KCNH7: variants seen among roughly 807,000 people sequenced by gnomAD.
KCNH7 encodes the protein potassium voltage-gated channel subfamily H member 7.
KCNH7 carries 49 observed loss-of-function variants against 120.8 expected under a neutral mutation model. The observed-to-expected ratio is 0.41, with a 90% confidence interval of 0.32 to 0.51. The LOEUF (loss-of-function observed/expected upper bound fraction) is 0.51, where lower values mean the gene tolerates loss of function less well. KCNH7 is among the 20% of genes least tolerant of loss of function. The pLI, the probability that KCNH7 is intolerant of heterozygous loss-of-function variation, is 0.38. For missense variants in KCNH7, 1,097 were observed against 1,446.6 expected (o/e 0.76, Z 3.92); for synonymous variants, 547 against 516.1 (o/e 1.06, Z -0.81).
intron 6 of KCNH7, among the ~76,000 whole-genome samples, chr2:162,477,443 G>GA (rs1327601757): frequency 6.6e-6 from 1 of 152,004 alleles, no homozygotes; most frequent in African/African-American, 2.4e-5. Flanking sequence ...GCCTGCTTGA[G>GA]AAAAAAAGTC....
chr2:162,750,793 A>C (rs1206516440), intron 2 of KCNH7, among the ~76,000 whole-genome samples: 1 of 152,152 alleles, frequency 6.6e-6, no homozygotes, highest in African/African-American at 2.4e-5. Context: ...TTTTTGTTCA[A>C]ATTCTCACAC....
chr2:162,444,823 G>A (rs1287329339), intron 7 of KCNH7, among the ~76,000 whole-genome samples: 1 of 151,934 alleles, frequency 6.6e-6, no homozygotes, highest in Admixed American at 6.6e-5. Flanking sequence ...CCAAAGTTAG[G>A]AGTAGCTAAT....
intron 6 of KCNH7, among the ~76,000 whole-genome samples, chr2:162,462,570 G>C (rs1433456970): frequency 6.6e-6 from 1 of 151,840 alleles, no homozygotes; most frequent in African/African-American, 2.4e-5. Context: ...AGTCAAAAGA[G>C]TAAGATTAGG....
At chr2:162,505,368 C>T (rs144049425) in intron 5 of KCNH7, among the ~76,000 whole-genome samples, 2,126 of 150,974 alleles carry the variant, frequency 0.014, 30 homozygotes, top group Non-Finnish European at 0.021. Flanking sequence ...AAAAAAAAGG[C>T]GCTATTAAAA....
In KCNH7 at chr2:162,745,626, A is replaced by G. The variant is rs115699187; in HGVS notation, c.307+90911T>C. 1.0e-3 allele frequency among the ~76,000 whole-genome samples: 158 copies of G among 152,284 alleles called. 1 individual carries two copies. Among genetic ancestry groups the G allele is most frequent in the African/African-American group, 3.6e-3 (149 of 41,574 alleles). ...AAAATCAATAGTCACCACAGAAGAC[A>G]TTTTCCAGTAGGACAAACTTGATAC... On this transcript the variant is annotated intron_variant, in intron 2 of 15. Coordinates refer to ENST00000332142, the MANE Select transcript of KCNH7 (RefSeq NM_033272.4).
At chr2:162,451,877 G>A (rs1389022292) in intron 6 of KCNH7, among the ~76,000 whole-genome samples, 1 of 152,002 alleles carries the variant, frequency 6.6e-6, no homozygotes, top group Non-Finnish European at 1.5e-5. Flanking sequence ...ATTGGGAAAA[G>A]TAGAAGCAGG....
intron 2 of KCNH7, among the ~76,000 whole-genome samples, chr2:162,625,728 G>A (rs148870340): frequency 1.2e-4 from 18 of 152,246 alleles, no homozygotes; most frequent in Non-Finnish European, 1.8e-4. Flanking sequence ...GAGCCGCAGC[G>A]TTGGGGATTA....
chr2:162,733,632 T>C (rs973762868), intron 2 of KCNH7, among the ~76,000 whole-genome samples: 6 of 152,234 alleles, frequency 3.9e-5, no homozygotes, highest in Non-Finnish European at 5.9e-5. Context: ...TCTGAGACTT[T>C]GGTATCATTT....
chr2:162,607,508 G>A (rs1682822470), intron 2 of KCNH7, among the ~76,000 whole-genome samples: 1 of 151,996 alleles, frequency 6.6e-6, no homozygotes, highest in African/African-American at 2.4e-5. Context: ...GGACATTCAT[G>A]TTATAATTAG....
At chr2:162,402,268 A>G (rs1048633662) in intron 9 of KCNH7, among the ~76,000 whole-genome samples, 2 of 150,602 alleles carry the variant, frequency 1.3e-5, no homozygotes, top group Non-Finnish European at 3.0e-5. Context: ...ACATGGAAGC[A>G]ATTATCTGGG....
chr2:162,692,271 A>C (rs1029910083), intron 2 of KCNH7, among the ~76,000 whole-genome samples: 1 of 152,074 alleles, frequency 6.6e-6, no homozygotes, highest in Middle Eastern at 3.4e-3. Flanking sequence ...GACAATAGGC[A>C]CACGCCACCA....
chr2:162,664,220 C>A (rs1303955585), intron 2 of KCNH7, among the ~76,000 whole-genome samples: 3 of 152,084 alleles, frequency 2.0e-5, no homozygotes, highest in African/African-American at 2.4e-5. Flanking sequence ...ACCCTTTCTC[C>A]AGAGAAGTGC....
Position 162,435,602 on chromosome 2 carries a change from A to G in KCNH7, c.1555-5T>C. On this transcript the variant is annotated splice_polypyrimidine_tract_variant and splice_region_variant and intron_variant, in intron 7 of 15. Coordinates refer to ENST00000332142, the MANE Select transcript of KCNH7 (RefSeq NM_033272.4). ...AAGACCAATTAATGTTGTTGTCTGT[A>G]GAAATAAATGTACACAGTCAGAAAC... 1.3e-6 allele frequency: 2 copies of G among 1,574,624 alleles called. No individual in the cohort carries two copies. Among genetic ancestry groups the G allele is most frequent in the East Asian group, 2.3e-5 (1 of 44,396 alleles).
intron 2 of KCNH7, among the ~76,000 whole-genome samples, chr2:162,752,931 AAGAAAAGAAAAG>A (rs1559116201): frequency 2.0e-4 from 17 of 86,330 alleles, no homozygotes; most frequent in Admixed American, 2.3e-4. Context: ...AAGAAAAGAA[AAGAAAAGAAAAG>A]AAAAGAAAAG....
intron 2 of KCNH7, among the ~76,000 whole-genome samples, chr2:162,673,751 G>T (rs908529660): frequency 6.6e-6 from 1 of 151,908 alleles, no homozygotes; most frequent in African/African-American, 2.4e-5. Flanking sequence ...CCAAGACATT[G>T]GATTTTTGGT....
chr2:162,519,090 G>T (rs1359232103), intron 3 of KCNH7, among the ~76,000 whole-genome samples: 1 of 151,730 alleles, frequency 6.6e-6, no homozygotes, highest in Non-Finnish European at 1.5e-5. Context: ...TCTAGTGCTG[G>T]CAAAGAATGC....
At chr2:162,453,335 T>A (rs754653655) in intron 6 of KCNH7, among the ~76,000 whole-genome samples, 1 of 152,210 alleles carries the variant, frequency 6.6e-6, no homozygotes, top group Non-Finnish European at 1.5e-5. Context: ...GGTGTACATG[T>A]GCTACATTGT....
At chr2:162,372,173 T>TA in intron 15 of KCNH7, 78 bp from the exon 16 acceptor site, 1 of 1,188,432 alleles carries the variant, frequency 8.4e-7, no homozygotes, top group Admixed American at 2.4e-5. Context: ...AATAAAAACT[T>TA]AAGCATTTTC....
intron 2 of KCNH7, among the ~76,000 whole-genome samples, chr2:162,745,049 A>G (rs1688269739): frequency 6.6e-6 from 1 of 152,192 alleles, no homozygotes; most frequent in Non-Finnish European, 1.5e-5. Flanking sequence ...CTACCTACTG[A>G]TATTCAGGCA....
Sources: allele counts gnomAD v4.1 joint callset (sites outside exome capture counted in the v4.1 genomes callset), GRCh38; gene constraint gnomAD v4.1.1; transcripts MANE v1.5; gene names NCBI Gene and HGNC (gene_info 2026-07-23, HGNC 2026-07-21).